The following GRSF1 variants were observed in gnomAD, a reference collection of about 807,000 sequenced individuals.
The protein encoded by GRSF1 is G-rich RNA sequence binding factor 1, also known as G-rich sequence factor 1.
In GRSF1, 50 loss-of-function variants were observed where a neutral mutation model predicts 51.1. The observed-to-expected ratio is 0.98, with a 90% CI of 0.78 to 1.24. The LOEUF (loss-of-function observed/expected upper bound fraction) is 1.24. GRSF1 is among the 50% of genes most tolerant of loss of function. GRSF1 has a pLI of 0.00. For missense variants in GRSF1, 700 were observed against 639.7 expected (o/e 1.09, Z -1.02); for synonymous variants, 293 against 253.3 (o/e 1.16, Z -1.49).
At position 70,832,396 on chromosome 4, in the gene GRSF1, T is replaced by G. The variant is rs951078994; in HGVS notation, c.725A>C (p.Lys242Thr). 8.1e-6 allele frequency: 13 copies of G among 1,611,452 alleles called. No homozygotes were observed. The Admixed American group carries it at 8.3e-5, about 10-fold the overall frequency. ...ACCATCATTTACCACAGGCGAAGAT[T>G]TGACCTGCAAGCTCTTCATTAAGGC... is the stretch of plus-strand genomic sequence containing the variant. ...VDALMKSLQV[K>T]SSPVVNDGVV... The change falls in exon 4 of 10, where the codon AAA (lysine) becomes ACA (threonine). Residue 242 changes from lysine to threonine, a missense_variant. Physicochemically the swap from Lys to Thr is moderately conservative, Grantham distance 78 (BLOSUM62 -1). Coordinates refer to ENST00000254799, the MANE Select transcript of GRSF1 (RefSeq NM_002092.4).
At position 70,820,053 on chromosome 4, in the gene GRSF1, G is replaced by A. The variant is rs964454086; in HGVS notation, c.*834C>T. 6.6e-6 allele frequency: 1 copy of A among 152,230 alleles called. No homozygotes were observed. The highest frequency in any genetic ancestry group is 1.5e-5 in the Non-Finnish European group (1 of 68,012). 9.4% of individuals were successfully genotyped at this position (152,230 alleles called of 1,614,324 possible). On this transcript the variant is annotated 3_prime_UTR_variant, in exon 10 of 10. Transcript: ENST00000254799. ...ATCTAGAGCTGGTTTAAATTCAAGT[G>A]AAGCCATTAATTTTCTTACCAGTCT...
At chr4:70,839,180 G>C in intron 1 of GRSF1, 1 of 1,374,494 alleles carries the variant, frequency 7.3e-7, no homozygotes. Context: ...AACCTACCAT[G>C]GGCCAGGCGG....
intron 6 of GRSF1, among the ~76,000 whole-genome samples, chr4:70,827,506 C>T (rs1035997861): frequency 4.6e-5 from 7 of 152,086 alleles, no homozygotes; most frequent in African/African-American, 9.7e-5. Flanking sequence ...ATCTTTAGGC[C>T]GGGTGTGTTG....
Position 70,819,171 on chromosome 4 carries a change from C to T in GRSF1, c.*1716G>A, listed in dbSNP as rs1440214912. On this transcript the variant is annotated 3_prime_UTR_variant, in exon 10 of 10. Transcript: ENST00000254799. Reference sequence around the variant, plus strand: ...CTTGCATTCTTTTTCCAGAGATGTGCAAATAAAACTCATTAGCTTAAATCA... The same window carrying T: ...CTTGCATTCTTTTTCCAGAGATGTGTAAATAAAACTCATTAGCTTAAATCA... 3 of 152,144 alleles carry T rather than the reference C, an allele frequency of 2.0e-5. No homozygotes were observed. The highest frequency in any genetic ancestry group is 7.2e-5 in the African/African-American group (3 of 41,440). 9.4% of individuals were successfully genotyped at this position (152,144 alleles called of 1,614,324 possible).
rs1733437815 is a variant in GRSF1, at chr4:70,819,889, G to T, written c.*998C>A. On this transcript the variant is annotated 3_prime_UTR_variant, in exon 10 of 10. Coordinates refer to ENST00000254799, the MANE Select transcript of GRSF1 (RefSeq NM_002092.4). ...AAAGTACTGCCACATTGTGACAGAA[G>T]TACAGCTTTATCCATAAACCCTTCA... The T allele has an allele frequency of 6.6e-6, 1 of 152,632 alleles. No individual in the cohort carries two copies. The highest frequency in any genetic ancestry group is 1.5e-5 in the Non-Finnish European group (1 of 68,038). 9.5% of individuals were successfully genotyped at this position (152,632 alleles called of 1,614,324 possible).
At chr4:70,840,592 GTC>G (rs750869037), upstream of GRSF1, among the ~76,000 whole-genome samples, 1 of 152,134 alleles carries the variant, frequency 6.6e-6, no homozygotes, top group East Asian at 1.9e-4. Context: ...GTGAAACTGT[GTC>G]TCTACTAAAA....
chr4:70,829,342 T>A (rs1295919989), intron 5 of GRSF1, among the ~76,000 whole-genome samples: 5 of 27,590 alleles, frequency 1.8e-4, no homozygotes, highest in Non-Finnish European at 1.3e-3. Flanking sequence ...CTACAAAAGT[T>A]TTTTTTTGTT....
chr4:70,839,285 C>G (rs940786470), intron 1 of GRSF1, 186 bp downstream of exon 1: 2 of 1,497,114 alleles, frequency 1.3e-6, no homozygotes, highest in Non-Finnish European at 1.8e-6. Flanking sequence ...GACCCGACGC[C>G]TGGGAGAGCT....
rs538558889 is a variant in GRSF1, at chr4:70,831,107, C to T, written c.950+432G>A. On this transcript the variant is annotated intron_variant, in intron 5 of 9. Transcript: ENST00000254799. ...ATGCGGTGGCTCACGCCTGTAATCCCAGCACTTTGGGAGGCCGAGGCGGGC... is the reference window on the plus strand; with the variant it reads ...ATGCGGTGGCTCACGCCTGTAATCCTAGCACTTTGGGAGGCCGAGGCGGGC... Among the ~76,000 whole-genome samples the T allele has an allele frequency of 2.0e-3, 299 of 152,202 alleles. 1 individual carries two copies. Among genetic ancestry groups the T allele is most frequent in the African/African-American group, 6.9e-3 (287 of 41,544 alleles).
intron 2 of GRSF1, among the ~76,000 whole-genome samples, chr4:70,834,782 C>T (rs928027816): frequency 6.6e-5 from 10 of 152,012 alleles, no homozygotes; most frequent in African/African-American, 2.2e-4. Context: ...CCACCACGCC[C>T]GGCTAATTTT....
chr4:70,832,316 A>G lies in GRSF1; in HGVS notation c.805T>C (p.Phe269Leu), dbSNP rs1734012167. ...TACAACTGCAAAGTACCTGCAAAGAAGTCTACAATGTCTTTCTCATTGCAA... is the reference window on the plus strand; with the variant it reads ...TACAACTGCAAAGTACCTGCAAAGAGGTCTACAATGTCTTTCTCATTGCAA... Reference protein sequence around the residue: ...YSCNEKDIVDFFAGLNIVDIT... With the variant: ...YSCNEKDIVDLFAGLNIVDIT... Residue 269 changes from phenylalanine to leucine, a missense_variant, in exon 4 of 10, where the codon TTC (phenylalanine) becomes CTC (leucine). Physicochemically the swap from Phe to Leu is conservative, Grantham distance 22. Transcript: ENST00000254799. The G allele has an allele frequency of 6.2e-7, 1 of 1,613,284 alleles. No individual in the cohort carries two copies. The highest frequency in any genetic ancestry group is 1.3e-5 in the African/African-American group (1 of 74,938).
At chr4:70,838,395 A>C (rs1170949875) in intron 1 of GRSF1, among the ~76,000 whole-genome samples, 1 of 152,140 alleles carries the variant, frequency 6.6e-6, no homozygotes, top group Non-Finnish European at 1.5e-5. Context: ...TTTTGTAGAC[A>C]ACTTTCCCCA....
At chr4:70,825,568 G>A (rs183345000) in intron 7 of GRSF1, 137 bp from the exon 8 acceptor site, 5 of 562,820 alleles carry the variant, frequency 8.9e-6, no homozygotes, top group East Asian at 2.9e-5. Context: ...TTTTTAAGCA[G>A]TAATATATTT....
upstream of GRSF1, among the ~76,000 whole-genome samples, chr4:70,841,284 T>TA (rs1334634008): frequency 6.6e-6 from 1 of 152,086 alleles, no homozygotes; most frequent in Non-Finnish European, 1.5e-5. Flanking sequence ...ACCCTGTCTC[T>TA]AAAAAAATAA....
At chr4:70,839,229 C>T (rs1274980753) in intron 1 of GRSF1, 2 of 1,455,512 alleles carry the variant, frequency 1.4e-6, no homozygotes, top group South Asian at 2.4e-5. Context: ...CACACTTACA[C>T]TGCCCAACCG....
chr4:70,822,068 A>G (rs1733536113), intron 9 of GRSF1, among the ~76,000 whole-genome samples: 1 of 152,100 alleles, frequency 6.6e-6, no homozygotes, highest in Admixed American at 6.5e-5. Flanking sequence ...AGTAATACTT[A>G]CAATACCTTA....
At chr4:70,834,076 C>A (rs914192803) in intron 2 of GRSF1, among the ~76,000 whole-genome samples, 3 of 152,002 alleles carry the variant, frequency 2.0e-5, no homozygotes, top group Non-Finnish European at 2.9e-5. Context: ...CTGGCCAACA[C>A]GGCAAAACCC....
chr4:70,831,529 C>T lies in GRSF1; in HGVS notation c.950+10G>A. ...AACACTTCTGCATCATTAGTATCTG[C>T]TTTACTCACCGATTACCAATTTCTT... On this transcript the variant is annotated intron_variant, in intron 5 of 9. Transcript: ENST00000254799. 6.2e-7 allele frequency: 1 copy of T among 1,612,086 alleles called. No homozygotes were observed. The highest frequency in any genetic ancestry group is 1.1e-5 in the South Asian group (1 of 90,856).
chr4:70,832,532 T>A, intron 3 of GRSF1, 82 bp from the exon 4 acceptor site: 1 of 749,600 alleles, frequency 1.3e-6, no homozygotes, highest in Non-Finnish European at 2.2e-6. Context: ...TACAACTTGC[T>A]GGGTTATCTG....
Sources: gnomAD v4.1 joint callset for allele counts (sites outside exome capture counted in the v4.1 genomes callset) on GRCh38, gnomAD v4.1.1 for gene constraint, MANE v1.5 for transcripts, NCBI Gene and HGNC (gene_info 2026-07-23, HGNC 2026-07-21) for gene names.